MAP3K15: variants seen among roughly 807,000 people sequenced by gnomAD.
MAP3K15 encodes mitogen-activated protein kinase kinase kinase 15, also known as MAPK/ERK kinase kinase 15.
In MAP3K15, 124 loss-of-function variants were observed where a neutral mutation model predicts 99.5. That is an observed-to-expected ratio of 1.25 (90% CI 1.08 to 1.45). MAP3K15 has a LOEUF of 1.45. Ranked by LOEUF, MAP3K15 falls within the 40% of genes most tolerant of loss-of-function variation. The probability of loss-of-function intolerance (pLI) is 0.00; values close to 1 mark genes in which losing one functional copy is unlikely to be tolerated. For synonymous variants in MAP3K15, 494 were observed against 439.6 expected, an observed-to-expected ratio of 1.12 and a Z score of -1.55; for missense variants, 1,242 against 1,079.7, an observed-to-expected ratio of 1.15 and a Z score of -2.11.
rs1468541147 is a variant in MAP3K15, at chrX:19,514,885, A to G, written c.361+16T>C. 9.6e-7 allele frequency: 1 copy of G among 1,047,069 alleles called. No homozygotes were observed. Among genetic ancestry groups the G allele is most frequent in the South Asian group, 2.1e-5 (1 of 48,105 alleles). The allele number at this position is 1,047,069 out of a possible 1,213,427, so 86.3% of individuals were successfully genotyped here. ...TAGGTGAACTGGGACTGAGGTGGGG[A>G]CGAAGCCGCTCTCACCTGCGTCGTA... On this transcript the variant is annotated intron_variant, in intron 1 of 28. Coordinates refer to ENST00000338883, the MANE Select transcript of MAP3K15 (RefSeq NM_001001671.4).
intron 1 of MAP3K15, among the ~76,000 whole-genome samples, chrX:19,491,857 C>T (rs938170345): frequency 5.5e-5 from 6 of 109,938 alleles, no homozygotes; most frequent in Non-Finnish European, 7.6e-5. Context: ...CTAATTTTGT[C>T]GTATTTTTAG....
At chrX:19,385,320 T>C (rs2063487401) in intron 18 of MAP3K15, among the ~76,000 whole-genome samples, 4 of 111,307 alleles carry the variant, frequency 3.6e-5, no homozygotes. Flanking sequence ...GGATCCTCCA[T>C]AGGACTGGTT....
chrX:19,391,055 T>C lies in MAP3K15; in HGVS notation c.2431+947A>G, dbSNP rs1271348013. On this transcript the variant is annotated intron_variant, in intron 18 of 28. Transcript: ENST00000338883. ...ACTGTGAAACTAGCTGGTAATTGTATACCACCCTTTGAACCCAGTCCCTCT... is the reference window on the plus strand; with the variant it reads ...ACTGTGAAACTAGCTGGTAATTGTACACCACCCTTTGAACCCAGTCCCTCT... Among the ~76,000 whole-genome samples the C allele has an allele frequency of 2.7e-5, 3 of 111,647 alleles. No individual in the cohort carries two copies. The East Asian group carries it at 8.4e-4, about 31-fold the overall frequency.
intron 3 of MAP3K15, among the ~76,000 whole-genome samples, chrX:19,471,965 G>GT (rs1311307180): frequency 8.9e-6 from 1 of 111,834 alleles, no homozygotes; most frequent in Non-Finnish European, 1.9e-5. Context: ...GCTCACGCCT[G>GT]TAATCCCAGC....
intron 25 of MAP3K15, among the ~76,000 whole-genome samples, chrX:19,367,723 A>ACTTTTTTTTTTTTTTTTTT (rs2063344451): frequency 4.1e-5 from 1 of 24,107 alleles, no homozygotes; most frequent in African/African-American, 1.3e-4. Flanking sequence ...ATAACTATGG[A>ACTTTTTTTTTTTTTTTTTT]TTTTTTTTTT....
intron 25 of MAP3K15, among the ~76,000 whole-genome samples, chrX:19,365,033 G>T (rs901283859): frequency 9.2e-6 from 1 of 109,242 alleles, no homozygotes. Flanking sequence ...GTGAAACCCC[G>T]TCTCTACTAA....
In MAP3K15 at chrX:19,377,889, G is replaced by A. The variant is rs370858011; in HGVS notation, c.2589+2231C>T. On this transcript the variant is annotated intron_variant, in intron 19 of 28. Transcript: ENST00000338883. ...GGTCCTCTTGGGATTGCAGGTATCA[G>A]AAGACTCTTGTCGACTTGAGGTCTT... Among the ~76,000 whole-genome samples, 871 of 112,456 alleles carry A rather than the reference G, an allele frequency of 7.7e-3. 12 individuals carry two copies. The highest frequency in any genetic ancestry group is 0.026 in the African/African-American group (814 of 30,998).
At chrX:19,508,201 T>A (rs2064492923) in intron 1 of MAP3K15, among the ~76,000 whole-genome samples, 1 of 111,049 alleles carries the variant, frequency 9.0e-6, no homozygotes, top group Admixed American at 9.6e-5. Context: ...AAATGGAGTC[T>A]TGCTCTGTTG....
chrX:19,511,293 C>T (rs954150068), intron 1 of MAP3K15, among the ~76,000 whole-genome samples: 19 of 111,868 alleles, frequency 1.7e-4, no homozygotes, highest in Non-Finnish European at 2.4e-4. Flanking sequence ...CCAAAAGCAA[C>T]GGCAACAAAA....
At chrX:19,391,956 C>T (rs779868780) in intron 18 of MAP3K15, 46 bp downstream of exon 18, 3 of 969,882 alleles carry the variant, frequency 3.1e-6, no homozygotes, top group South Asian at 2.0e-5. Flanking sequence ...GTGCAGAAAG[C>T]GTAACTCTGG....
chrX:19,372,664 A>G lies in MAP3K15; in HGVS notation c.3097T>C (p.Cys1033Arg), dbSNP rs1358452913. ...QNQVASNLQE[C>R]VAQSSEELHL... ...CCTCGGGCAAATACCTGGGCCACACACTCCTGCAGGTTGGAAGCCACCTGG... is the reference window on the plus strand; with the variant it reads ...CCTCGGGCAAATACCTGGGCCACACGCTCCTGCAGGTTGGAAGCCACCTGG... Residue 1033 changes from cysteine to arginine, a missense_variant, in exon 22 of 29, where the codon TGT becomes CGT. Coordinates refer to ENST00000338883, the MANE Select transcript of MAP3K15 (RefSeq NM_001001671.4). 3.3e-6 allele frequency: 4 copies of G among 1,202,622 alleles called. No homozygotes were observed. Among genetic ancestry groups the G allele is most frequent in the Admixed American group, 2.2e-5 (1 of 45,132 alleles).
At chrX:19,427,132 C>T (rs2063839070) in intron 7 of MAP3K15, among the ~76,000 whole-genome samples, 1 of 104,182 alleles carries the variant, frequency 9.6e-6, no homozygotes, top group Non-Finnish European at 1.9e-5. Flanking sequence ...TGCCATCATG[C>T]ACACACCTAT....
chrX:19,507,870 G>A (rs2064490330), intron 1 of MAP3K15, among the ~76,000 whole-genome samples: 1 of 111,136 alleles, frequency 9.0e-6, no homozygotes, highest in South Asian at 3.7e-4. Context: ...GGTTTCTAGG[G>A]TTTTGTTTTG....
Position 19,370,952 on chromosome X carries a change from C to T in MAP3K15, c.3400+7G>A, listed in dbSNP as rs191405175. On this transcript the variant is annotated splice_region_variant and intron_variant, in intron 24 of 28. Coordinates refer to ENST00000338883, the MANE Select transcript of MAP3K15 (RefSeq NM_001001671.4). ...AAGCTGACCTTGACCACAAAGGGGG[C>T]GCTCACCTGGGATGAGAATGGTGAC... The T allele has an allele frequency of 5.5e-5, 65 of 1,173,983 alleles. No homozygotes were observed. In the African/African-American group the frequency reaches 8.5e-4, roughly 15 times the overall value.
intron 3 of MAP3K15, among the ~76,000 whole-genome samples, chrX:19,470,978 G>A (rs959750363): frequency 4.5e-5 from 5 of 111,700 alleles, no homozygotes; most frequent in Non-Finnish European, 9.4e-5. Flanking sequence ...GGGGGGGTAG[G>A]AATTCTGAAG....
intron 6 of MAP3K15, among the ~76,000 whole-genome samples, chrX:19,444,490 G>A (rs1254487297): frequency 7.2e-5 from 8 of 111,483 alleles, no homozygotes; most frequent in South Asian, 3.8e-4. Flanking sequence ...AACGATATTC[G>A]TTGGCCGCTC....
At chrX:19,400,705 T>C (rs1290567613) in intron 13 of MAP3K15, 42 bp from the exon 14 acceptor site, 1 of 907,830 alleles carries the variant, frequency 1.1e-6, no homozygotes, top group East Asian at 3.1e-5. Flanking sequence ...AACTCAGAAC[T>C]GCTCTCATTC....
intron 1 of MAP3K15, among the ~76,000 whole-genome samples, chrX:19,507,187 A>G (rs2064483068): frequency 8.9e-6 from 1 of 111,994 alleles, no homozygotes. Context: ...CCATGAAGAC[A>G]AAAGCATTGT....
intron 25 of MAP3K15, among the ~76,000 whole-genome samples, chrX:19,367,722 GA>G (rs2063344235): frequency 1.9e-5 from 1 of 53,177 alleles, no homozygotes; most frequent in Non-Finnish European, 3.4e-5. Flanking sequence ...TATAACTATG[GA>G]TTTTTTTTTT....
Sources: gnomAD v4.1 joint callset for allele counts (sites outside exome capture counted in the v4.1 genomes callset) on GRCh38, gnomAD v4.1.1 for gene constraint, MANE v1.5 for transcripts, NCBI Gene and HGNC (gene_info 2026-07-23, HGNC 2026-07-21) for gene names.